Variants in PDZRN4 observed in about 807,000 individuals in gnomAD.
The protein encoded by PDZRN4 is PDZ domain containing ring finger 4.
In PDZRN4, 70 loss-of-function variants were observed where a neutral mutation model predicts 99.0. The observed-to-expected ratio is 0.71, with a 90% CI of 0.58 to 0.86. The LOEUF (loss-of-function observed/expected upper bound fraction) is 0.86. Among genes scored for constraint, PDZRN4 ranks in the 40% least tolerant of loss-of-function variants. PDZRN4 has a pLI of 0.00. For synonymous variants in PDZRN4, 551 were observed against 501.6 expected, an observed-to-expected ratio of 1.10 and a Z score of -1.32; for missense variants, 1,474 against 1,331.2, an observed-to-expected ratio of 1.11 and a Z score of -1.67.
At chr12:41,228,369 C>T (rs1297886598) in intron 3 of PDZRN4, among the ~76,000 whole-genome samples, 1 of 152,108 alleles carries the variant, frequency 6.6e-6, no homozygotes, top group Non-Finnish European at 1.5e-5. Context: ...GTCAGACTTA[C>T]TGACTACAGA....
At chr12:41,394,289 A>T (rs1038413603) in intron 3 of PDZRN4, among the ~76,000 whole-genome samples, 2 of 152,164 alleles carry the variant, frequency 1.3e-5, no homozygotes, top group Non-Finnish European at 2.9e-5. Flanking sequence ...GGATTTCAGT[A>T]TATGAATCTT....
intron 3 of PDZRN4, among the ~76,000 whole-genome samples, chr12:41,341,174 A>AC (rs1414727229): frequency 4.6e-5 from 7 of 151,684 alleles, no homozygotes; most frequent in Non-Finnish European, 1.0e-4. Flanking sequence ...ATAAAAAAAA[A>AC]AAACTCTTAA....
intron 3 of PDZRN4, among the ~76,000 whole-genome samples, chr12:41,377,575 A>G (rs992222482): frequency 6.6e-6 from 1 of 152,070 alleles, no homozygotes; most frequent in Non-Finnish European, 1.5e-5. Context: ...GAAGCAGGAG[A>G]ATGGTGTGAA....
intron 6 of PDZRN4, among the ~76,000 whole-genome samples, chr12:41,554,942 C>T (rs1333455035): frequency 6.6e-6 from 1 of 151,244 alleles, no homozygotes; most frequent in African/African-American, 2.4e-5. Flanking sequence ...GACGCGGTGG[C>T]TCACGCCTGT....
chr12:41,344,546 G>GA lies in PDZRN4; in HGVS notation c.843+150365dup, dbSNP rs1951839083. Among the ~76,000 whole-genome samples, 4 of 124,372 alleles carry GA rather than the reference G, an allele frequency of 3.2e-5. No homozygotes were observed. In the South Asian group the frequency reaches 7.7e-4, roughly 24 times the overall value. 81.6% of individuals were successfully genotyped at this position (124,372 alleles called of 152,430 possible). Reference sequence around the variant, plus strand: ...GAAAAACTACCACCGTCTAACAAATGAAAAAAAGAAAAAACAACTTTCTTG... The same window carrying GA: ...GAAAAACTACCACCGTCTAACAAATGAAAAAAAAGAAAAAACAACTTTCTTG... On this transcript the variant is annotated intron_variant, in intron 3 of 9. Transcript: ENST00000402685.
Position 41,573,045 on chromosome 12 carries a change from CCT to C in PDZRN4, c.2267_2268del (p.Pro756ArgfsTer13), listed in dbSNP as rs1302071511. ...TACTCCGCTCACTGTAGACCGTTCC[CCT>C]GACAGTTCCCTTCCAAGGGTGATCA... ...RSTPLTVDRS[P>X]DSSLPRVINL... On this transcript the variant is annotated frameshift_variant, in exon 10 of 10. Transcript: ENST00000402685. LOFTEE classifies it high-confidence loss of function. 6.2e-7 allele frequency: 1 copy of C among 1,613,974 alleles called. No individual in the cohort carries two copies. The highest frequency in any genetic ancestry group is 1.3e-5 in the African/African-American group (1 of 74,896).
chr12:41,223,803 G>A (rs1950974461), intron 3 of PDZRN4, among the ~76,000 whole-genome samples: 2 of 152,198 alleles, frequency 1.3e-5, no homozygotes. Context: ...GTGCAGCACA[G>A]GCAGGGGGAG....
intron 3 of PDZRN4, among the ~76,000 whole-genome samples, chr12:41,197,068 C>T (rs929567340): frequency 6.6e-6 from 1 of 151,892 alleles, no homozygotes; most frequent in African/African-American, 2.4e-5. Flanking sequence ...AAAATAAAAA[C>T]AATAAGAGAT....
At chr12:41,419,252 T>A (rs1456254296) in intron 3 of PDZRN4, among the ~76,000 whole-genome samples, 1 of 152,118 alleles carries the variant, frequency 6.6e-6, no homozygotes, top group East Asian at 1.9e-4. Flanking sequence ...GACAACAAAG[T>A]CCTTGCTGCC....
chr12:41,251,701 C>G (rs2120809807), intron 3 of PDZRN4, among the ~76,000 whole-genome samples: 1 of 152,226 alleles, frequency 6.6e-6, no homozygotes, highest in Non-Finnish European at 1.5e-5. Flanking sequence ...GATAAATCAT[C>G]CAACATCTCA....
intron 3 of PDZRN4, among the ~76,000 whole-genome samples, chr12:41,355,192 G>T (rs899354539): frequency 1.3e-5 from 2 of 152,060 alleles, no homozygotes; most frequent in Non-Finnish European, 2.9e-5. Context: ...TTGGCTACCA[G>T]AGGGAGTGAA....
At chr12:41,554,011 G>A (rs887484747) in intron 6 of PDZRN4, among the ~76,000 whole-genome samples, 1 of 152,234 alleles carries the variant, frequency 6.6e-6, no homozygotes. Context: ...ACACAACTCT[G>A]TAAGTGTAAA....
intron 3 of PDZRN4, among the ~76,000 whole-genome samples, chr12:41,365,066 T>C (rs936909000): frequency 1.1e-4 from 17 of 152,002 alleles, no homozygotes; most frequent in African/African-American, 3.9e-4. Flanking sequence ...TTGCACCTCA[T>C]TTGAATTTTG....
chr12:41,406,357 T>C (rs1687573206), intron 3 of PDZRN4, among the ~76,000 whole-genome samples: 1 of 152,050 alleles, frequency 6.6e-6, no homozygotes, highest in South Asian at 2.1e-4. Flanking sequence ...CAAAAAAATG[T>C]ATAAAAGAAA....
chr12:41,237,802 T>A (rs886751058), intron 3 of PDZRN4, among the ~76,000 whole-genome samples: 1 of 152,050 alleles, frequency 6.6e-6, no homozygotes, highest in African/African-American at 2.4e-5. Context: ...ATTTCTGAGA[T>A]CTCTATTCTG....
intron 3 of PDZRN4, among the ~76,000 whole-genome samples, chr12:41,496,953 T>C (rs1013187849): frequency 6.6e-6 from 1 of 152,134 alleles, no homozygotes; most frequent in Non-Finnish European, 1.5e-5. Context: ...ATAATGAACC[T>C]CTGGTGAAGA....
intron 3 of PDZRN4, among the ~76,000 whole-genome samples, chr12:41,500,293 G>T (rs1195117829): frequency 6.6e-6 from 1 of 151,936 alleles, no homozygotes; most frequent in Non-Finnish European, 1.5e-5. Context: ...GCTAAGGGAA[G>T]CTGCAACACC....
chr12:41,523,009 T>C (rs759328737), intron 5 of PDZRN4, among the ~76,000 whole-genome samples: 4 of 152,066 alleles, frequency 2.6e-5, no homozygotes, highest in Non-Finnish European at 1.5e-5. Context: ...ATCACTCTTA[T>C]TGGAAGAGAA....
At chr12:41,329,606 T>C (rs1364139582) in intron 3 of PDZRN4, among the ~76,000 whole-genome samples, 5 of 152,106 alleles carry the variant, frequency 3.3e-5, no homozygotes, top group Non-Finnish European at 7.4e-5. Flanking sequence ...AGTGTATGTG[T>C]AGTAATGTAA....
Sources: gnomAD v4.1 joint callset for allele counts (sites outside exome capture counted in the v4.1 genomes callset) on GRCh38, gnomAD v4.1.1 for gene constraint, MANE v1.5 for transcripts, NCBI Gene and HGNC (gene_info 2026-07-23, HGNC 2026-07-21) for gene names.